Variants in BAZ2A observed in about 807,000 individuals in gnomAD.
BAZ2A encodes bromodomain adjacent to zinc finger domain protein 2A.
BAZ2A carries 34 observed loss-of-function variants against 199.9 expected under a neutral mutation model. That is an observed-to-expected ratio of 0.17 (90% CI 0.13 to 0.23). BAZ2A has a LOEUF of 0.23. Ranked by LOEUF, BAZ2A falls within the 10% of genes least tolerant of loss-of-function variation. The pLI, the probability that BAZ2A is intolerant of heterozygous loss-of-function variation, is 1.00. For missense variants in BAZ2A, 2,002 were observed against 2,391.1 expected (o/e 0.84, Z 3.39); for synonymous variants, 857 against 883.9 (o/e 0.97, Z 0.54).
rs982139908 is a variant in BAZ2A, at chr12:56,601,185, G to A, written c.4289C>T (p.Pro1430Leu). Residue 1430 changes from proline to leucine, a missense_variant, in exon 21 of 29, where the codon CCA (proline) becomes CTA (leucine). Coordinates refer to ENST00000549884, the MANE Select transcript of BAZ2A (RefSeq NM_001300905.2). ...YLTQLTAQPV[P>L]PEMCSGWWWI... ...CTCACTCCAAGGTCACTCACCAGGT[G>A]GGACAGGCTGGGCTGTCAGCTGGGT... 30 of 1,613,926 alleles carry A rather than the reference G, an allele frequency of 1.9e-5. No individual in the cohort carries two copies. Among genetic ancestry groups the A allele is most frequent in the Non-Finnish European group, 2.4e-5 (28 of 1,179,902 alleles).
At chr12:56,630,363 GGAGA>G, upstream of BAZ2A, 2 of 787,274 alleles carry the variant, frequency 2.5e-6, no homozygotes, top group Non-Finnish European at 3.1e-6. Context: ...GCCTCGGCCG[GGAGA>G]GAGTCTCCCC....
intron 1 of BAZ2A, among the ~76,000 whole-genome samples, chr12:56,622,998 A>G (rs1409055683): frequency 1.3e-5 from 2 of 152,144 alleles, no homozygotes; most frequent in Non-Finnish European, 2.9e-5. Flanking sequence ...GCACTTTGGG[A>G]GGCCGAGGTG....
At chr12:56,616,528 G>C (rs1011028208) in intron 2 of BAZ2A, among the ~76,000 whole-genome samples, 30 of 152,278 alleles carry the variant, frequency 2.0e-4, no homozygotes, top group African/African-American at 6.7e-4. Context: ...GGCGGGGTAG[G>C]GGGGGCACTT....
At position 56,613,874 on chromosome 12, in the gene BAZ2A, T is replaced by C. The variant is rs114068128; in HGVS notation, c.916+79A>G. Reference sequence around the variant, plus strand: ...AGTGCCCCTGATTGCCTAATACTTTTCCCATTTTACTGTCTCTTTCAGGTA... The same window carrying C: ...AGTGCCCCTGATTGCCTAATACTTTCCCCATTTTACTGTCTCTTTCAGGTA... On this transcript the variant is annotated intron_variant, in intron 4 of 28. Transcript: ENST00000549884. 5.4e-4 allele frequency: 777 copies of C among 1,444,402 alleles called. 5 individuals are homozygous for C. The African/African-American group carries it at 0.01, about 19-fold the overall frequency. The allele number at this position is 1,444,402 out of a possible 1,614,324, so 89.5% of individuals were successfully genotyped here. A position where few individuals can be genotyped will look rare whatever the true frequency, so the allele number is the denominator to read the frequency against.
upstream of BAZ2A, chr12:56,634,982 G>A: frequency 1.0e-6 from 1 of 984,804 alleles, no homozygotes; most frequent in South Asian, 4.7e-5. Context: ...GGCGGCGGCG[G>A]CAGAGGCGCA....
chr12:56,602,551 T>C (rs778694654), intron 19 of BAZ2A, among the ~76,000 whole-genome samples, 162 bp downstream of exon 19: 2 of 152,228 alleles, frequency 1.3e-5, no homozygotes, highest in Non-Finnish European at 2.9e-5. Flanking sequence ...CAGCTGGAAA[T>C]GGCAGAGCAG....
chr12:56,604,224 G>T lies in BAZ2A; in HGVS notation c.3031C>A (p.Leu1011Ile). ...RKNKWIVEGR[L>I]RRLKTVLAKR... is the part of the protein sequence containing the mutation. The stretch of plus-strand genomic sequence containing the variant: ...TCTCTGTCTGGTCCCTACCTCCGGA[G>T]CCGGCCTTCAACAATCCACTTGTTT... The change falls in exon 16 of 29, where the codon CTC (leucine) becomes ATC (isoleucine). Residue 1011 changes from leucine to isoleucine, a missense_variant. Physicochemically the swap from Leu to Ile is conservative, Grantham distance 5. Transcript: ENST00000549884. 6.2e-7 allele frequency: 1 copy of T among 1,605,654 alleles called. No homozygotes were observed. The highest frequency in any genetic ancestry group is 2.2e-5 in the East Asian group (1 of 44,786).
chr12:56,612,113 G>A lies in BAZ2A; in HGVS notation c.1269C>T (p.Thr423=). The part of the protein sequence containing the change: ...QSSTIQLHPA[T]SPAVSPTTSP... ...AGGTTGTTGGCGAGACTGCTGGTGA[G>A]GTTGCTGGATGTAGCTGAATAGTGG... The change falls in exon 6 of 29, where the codon ACC becomes ACT. Residue 423 remains threonine (T), a synonymous_variant. Transcript: ENST00000549884. 6.2e-7 allele frequency: 1 copy of A among 1,613,968 alleles called. No homozygotes were observed. Among genetic ancestry groups the A allele is most frequent in the South Asian group, 1.1e-5 (1 of 91,078 alleles).
intron 10 of BAZ2A, among the ~76,000 whole-genome samples, chr12:56,607,639 G>A (rs796876327): frequency 3.3e-5 from 5 of 152,264 alleles, no homozygotes; most frequent in African/African-American, 1.2e-4. Flanking sequence ...TCAAAGAGCT[G>A]GGATTACAGC....
upstream of BAZ2A, chr12:56,635,012 G>A: frequency 3.0e-6 from 3 of 984,646 alleles, no homozygotes; most frequent in Non-Finnish European, 3.6e-6. This position sits in a 1 kb window ranked among gnomAD's most constrained non-coding sequence, Gnocchi z 4.1. Flanking sequence ...GCCGGGCGGC[G>A]GCTGCGCCTC....
exon 1 of BAZ2A, chr12:56,636,335 A>C: frequency 7.0e-7 from 1 of 1,428,682 alleles, no homozygotes; most frequent in East Asian, 2.8e-5. Context: ...CCTGCGAACC[A>C]CACAGCCTGA....
At chr12:56,605,750 C>A in intron 13 of BAZ2A, 80 bp downstream of exon 13, 2 of 1,365,766 alleles carry the variant, frequency 1.5e-6, no homozygotes, top group South Asian at 1.4e-5. Flanking sequence ...AAATGTCTCT[C>A]CCATTGCAGA....
intron 1 of BAZ2A, among the ~76,000 whole-genome samples, chr12:56,623,813 C>A (rs1420625498): frequency 6.6e-6 from 1 of 152,130 alleles, no homozygotes; most frequent in Non-Finnish European, 1.5e-5. Flanking sequence ...GGCTGAGAAA[C>A]CCTGTTCTAA....
upstream of BAZ2A, chr12:56,638,317 G>C (rs372908816): frequency 5.6e-6 from 9 of 1,612,188 alleles, no homozygotes; most frequent in Non-Finnish European, 5.9e-6. Flanking sequence ...AGAGGACAAA[G>C]ACCCCTCACG....
chr12:56,597,893 G>A lies in BAZ2A; in HGVS notation c.*725C>T, dbSNP rs1044385411. On this transcript the variant is annotated 3_prime_UTR_variant, in exon 29 of 29. Transcript: ENST00000549884. ...GTGAGGAGCATCCAACATCATACAG[G>A]GGATAGCTATCGGCAGGAAGATGGG... The A allele has an allele frequency of 6.6e-6, 1 of 152,670 alleles. No individual in the cohort carries two copies. Among genetic ancestry groups the A allele is most frequent in the African/African-American group, 2.4e-5 (1 of 41,426 alleles). The allele number at this position is 152,670 out of a possible 1,614,324, so 9.5% of individuals were successfully genotyped here. A position where few individuals can be genotyped will look rare whatever the true frequency, so the allele number is the denominator to read the frequency against.
intron 14 of BAZ2A, 62 bp from the exon 15 acceptor site, chr12:56,604,861 T>C: frequency 3.9e-6 from 6 of 1,541,424 alleles, no homozygotes; most frequent in African/African-American, 1.4e-5. Context: ...GTTGGGTGAA[T>C]GTGCAAGAGG....
chr12:56,613,121 G>C lies in BAZ2A; in HGVS notation c.1029C>G (p.Leu343=). The change falls in exon 5 of 29, where the codon CTC becomes CTG. Residue 343 remains leucine, a synonymous_variant. Transcript: ENST00000549884. The stretch of plus-strand genomic sequence containing the variant: ...GGAGACTGAAGGCAGTAGCATTATT[G>C]AGGGAAGGGCAATCAAGGGCAGAAA... ...PVISALDCPS[L]NNATAFSLLA... is the part of the protein sequence containing the mutation. 6.2e-7 allele frequency: 1 copy of C among 1,613,996 alleles called. No homozygotes were observed. Among genetic ancestry groups the C allele is most frequent in the Non-Finnish European group, 8.5e-7 (1 of 1,179,902 alleles).
At chr12:56,611,168 C>T (rs565963535) in intron 7 of BAZ2A, 40 of 247,642 alleles carry the variant, frequency 1.6e-4, no homozygotes, top group Admixed American at 5.1e-4. Context: ...ACTGTTCCTG[C>T]CCTTACCTCT....
At chr12:56,625,159 T>C (rs980159305) in intron 1 of BAZ2A, among the ~76,000 whole-genome samples, 9 of 146,380 alleles carry the variant, frequency 6.1e-5, no homozygotes, top group East Asian at 3.9e-4. Context: ...AATTTCTTTT[T>C]TTTTTTTTTT....
Sources: allele counts gnomAD v4.1 joint callset (sites outside exome capture counted in the v4.1 genomes callset), GRCh38; gene constraint gnomAD v4.1.1; non-coding constraint Gnocchi (gnomAD v3.1); transcripts MANE v1.5; gene names NCBI Gene and HGNC (gene_info 2026-07-23, HGNC 2026-07-21).